NFATC1: variants seen among roughly 807,000 people sequenced by gnomAD.
The protein encoded by NFATC1 is nuclear factor of activated T cells 1.
Under a neutral mutation model 76.0 loss-of-function variants are expected in NFATC1, and 22 were observed. The ratio of observed to expected loss-of-function variants is 0.29; its 90% CI spans 0.21 to 0.41. NFATC1 has a LOEUF of 0.41. Ranked by LOEUF, NFATC1 falls within the 10% of genes least tolerant of loss-of-function variation. The pLI is 1.00. For synonymous variants in NFATC1, 704 were observed against 613.1 expected, an observed-to-expected ratio of 1.15 and a Z score of -2.19; for missense variants, 1,357 against 1,337.7, an observed-to-expected ratio of 1.01 and a Z score of -0.23.
At chr18:79,512,348 C>T (rs2090275232) in intron 9 of NFATC1, among the ~76,000 whole-genome samples, 2 of 152,206 alleles carry the variant, frequency 1.3e-5, no homozygotes, top group South Asian at 4.1e-4. Context: ...ACCTCTCCCA[C>T]CACGTGGAGT....
intron 8 of NFATC1, 112 bp from the exon 9 acceptor site, chr18:79,486,136 G>A: frequency 1.1e-6 from 1 of 920,106 alleles, no homozygotes; most frequent in Admixed American, 2.3e-5. Context: ...AGGAGACAGA[G>A]GGACCCAGTC....
At chr18:79,399,602 A>G (rs2085115485) in intron 1 of NFATC1, among the ~76,000 whole-genome samples, 1 of 152,236 alleles carries the variant, frequency 6.6e-6, no homozygotes, top group African/African-American at 2.4e-5. Context: ...CGGGCCGCCT[A>G]GGGTGGGACC....
At chr18:79,425,175 G>GTTTC (rs2086270056) in intron 2 of NFATC1, among the ~76,000 whole-genome samples, 1 of 69,122 alleles carries the variant, frequency 1.4e-5, no homozygotes, top group Non-Finnish European at 3.2e-5. Context: ...CTCTCCATCT[G>GTTTC]TCTCTCTGTC....
intron 8 of NFATC1, chr18:79,467,877 C>G (rs2088596680): frequency 5.9e-6 from 7 of 1,191,312 alleles, no homozygotes; most frequent in Middle Eastern, 3.5e-4. Flanking sequence ...CATGGCTCTT[C>G]TGCTCCAAAA....
At chr18:79,427,870 G>A (rs28380566) in intron 2 of NFATC1, among the ~76,000 whole-genome samples, 89 of 139,368 alleles carry the variant, frequency 6.4e-4, no homozygotes, top group African/African-American at 2.4e-3. Flanking sequence ...GGAGCTGGAC[G>A]GCTGGCCTCT....
At chr18:79,496,743 C>G (rs2089897280) in intron 9 of NFATC1, 1 of 152,290 alleles carries the variant, frequency 6.6e-6, no homozygotes, top group Non-Finnish European at 1.5e-5. Context: ...AGATCACAGT[C>G]CTAGGCTCGT....
chr18:79,431,670 C>T (rs1320816777), intron 2 of NFATC1, among the ~76,000 whole-genome samples: 1 of 152,142 alleles, frequency 6.6e-6, no homozygotes, highest in African/African-American at 2.4e-5. Flanking sequence ...GGATTACAGG[C>T]ATGAGCCACT....
chr18:79,483,237 G>GGC (rs2089363601), intron 8 of NFATC1, among the ~76,000 whole-genome samples: 2 of 141,616 alleles, frequency 1.4e-5, no homozygotes, highest in African/African-American at 2.6e-5. Flanking sequence ...CTGGTCCTGG[G>GGC]GTGTCACTCC....
chr18:79,405,003 G>T (rs564525150), intron 1 of NFATC1, among the ~76,000 whole-genome samples: 1 of 152,260 alleles, frequency 6.6e-6, no homozygotes, highest in Non-Finnish European at 1.5e-5. Flanking sequence ...GAGTGAGAGA[G>T]ATCGCTTTTA....
At chr18:79,431,572 G>A (rs531159337) in intron 2 of NFATC1, among the ~76,000 whole-genome samples, 11 of 152,202 alleles carry the variant, frequency 7.2e-5, no homozygotes, top group Admixed American at 6.5e-4. Context: ...TTTTTGTTTC[G>A]TAGAGATGGG....
intron 8 of NFATC1, among the ~76,000 whole-genome samples, chr18:79,484,872 G>A (rs2089449310): frequency 6.6e-6 from 1 of 152,234 alleles, no homozygotes; most frequent in African/African-American, 2.4e-5. Context: ...GCGGCTGCAG[G>A]GGAGGCCGCA....
intron 9 of NFATC1, among the ~76,000 whole-genome samples, chr18:79,523,566 G>A (rs1233304277): frequency 6.6e-6 from 1 of 152,264 alleles, no homozygotes. Context: ...AGATTCACAG[G>A]TGAGGCAGTG....
rs542573486 is a variant in NFATC1 at position 79,397,687 on chromosome 18, C to T, written c.127+1336C>T. Among the ~76,000 whole-genome samples the T allele has an allele frequency of 5.9e-5, 9 of 152,292 alleles. No homozygotes were observed. In the East Asian group the frequency reaches 1.5e-3, roughly 26 times the overall value. On this transcript the variant is annotated intron_variant, in intron 1 of 9. Coordinates refer to ENST00000427363, the MANE Select transcript of NFATC1 (RefSeq NM_001278669.2). ...TCGGTTTTAAATCCTGGGACACTTA[C>T]GCCGCAGTGTTCATTATCACTCCCT...
At chr18:79,461,271 CCA>C (rs2088064994) in intron 6 of NFATC1, 38 bp from the exon 7 acceptor site, 1 of 1,612,446 alleles carries the variant, frequency 6.2e-7, no homozygotes, top group African/African-American at 1.3e-5. Context: ...GGGCTCCCCA[CCA>C]CACAGAGTCA....
intron 2 of NFATC1, among the ~76,000 whole-genome samples, chr18:79,425,536 G>A (rs1006877135): frequency 1.3e-5 from 2 of 152,234 alleles, no homozygotes; most frequent in South Asian, 2.1e-4. Flanking sequence ...CAATGAGCAC[G>A]TGCGGGCTTT....
chr18:79,527,370 A>G, intron 9 of NFATC1, 158 bp from the exon 10 acceptor site: 1 of 619,348 alleles, frequency 1.6e-6, no homozygotes, highest in South Asian at 2.1e-5. Context: ...GGCTCACGAC[A>G]CTCATGGACC....
chr18:79,467,234 G>A (rs1460107859), intron 7 of NFATC1, among the ~76,000 whole-genome samples: 4 of 151,990 alleles, frequency 2.6e-5, no homozygotes, highest in Non-Finnish European at 2.9e-5. Context: ...GCTGTCATCA[G>A]CTGCTTCTGG....
Position 79,469,694 on chromosome 18 carries a change from A to G in NFATC1, c.2092+2112A>G, listed in dbSNP as rs9964551. On this transcript the variant is annotated intron_variant, in intron 8 of 9. Transcript: ENST00000427363. ...AACGCAGGCCAGGTTCCCCAGGCTC[A>G]CCCTGGGCACCAGCCTTCGCCCGTT... 18,281 of 985,562 alleles carry G rather than the reference A, an allele frequency of 0.019. 2,354 individuals are homozygous for G. The African/African-American group carries it at 0.28, about 15-fold the overall frequency. 61.1% of individuals were successfully genotyped at this position (985,562 alleles called of 1,614,324 possible).
At chr18:79,412,233 C>T (rs1399348047) in intron 2 of NFATC1, among the ~76,000 whole-genome samples, 1 of 152,230 alleles carries the variant, frequency 6.6e-6, no homozygotes, top group African/African-American at 2.4e-5. Context: ...AACGAAACAG[C>T]TTTCCCAGCT....
Sources: gnomAD v4.1 joint callset for allele counts (sites outside exome capture counted in the v4.1 genomes callset) on GRCh38, gnomAD v4.1.1 for gene constraint, MANE v1.5 for transcripts, NCBI Gene and HGNC (gene_info 2026-07-23, HGNC 2026-07-21) for gene names.